STATH: variants seen among roughly 807,000 people sequenced by gnomAD.
STATH encodes the protein statherin.
In STATH, 11 loss-of-function variants were observed where a neutral mutation model predicts 13.3. That is an observed-to-expected ratio of 0.83 (90% confidence interval 0.52 to 1.37). STATH has a LOEUF of 1.37. Ranked by LOEUF, STATH falls within the 40% of genes most tolerant of loss-of-function variation. The probability of loss-of-function intolerance (pLI) is 0.00; values close to 1 mark genes in which losing one functional copy is unlikely to be tolerated. For synonymous variants in STATH, 25 were observed against 23.6 expected (o/e 1.06, Z -0.17); for missense variants, 78 against 73.3 (o/e 1.06, Z -0.24).
At chr4:70,001,010 TA>T in intron 5 of STATH, 28 bp downstream of exon 5, 4 of 1,476,268 alleles carry the variant, frequency 2.7e-6, no homozygotes, top group Non-Finnish European at 3.8e-6. Context: ...ACATTTTTTT[TA>T]CTTTCTGTAT....
chr4:70,000,611 C>T (rs968948769), intron 4 of STATH, among the ~76,000 whole-genome samples: 2 of 151,652 alleles, frequency 1.3e-5, no homozygotes, highest in African/African-American at 2.4e-5. Context: ...AGCCTATAAT[C>T]GGTGTTCCTG....
chr4:69,999,237 A>G (rs1297435302), intron 2 of STATH: 1 of 159,864 alleles, frequency 6.3e-6, no homozygotes, highest in Non-Finnish European at 1.4e-5. Context: ...ATTATTTGTT[A>G]TAAAAGGATA....
rs867264792 is a variant in STATH, at chr4:69,999,666, G to A, written c.52-1G>A. 1 of 1,610,234 alleles carries A rather than the reference G, an allele frequency of 6.2e-7. No individual in the cohort carries two copies. Among genetic ancestry groups the A allele is most frequent in the Admixed American group, 1.7e-5 (1 of 59,736 alleles). ...TATTGTCTAATTTTCTGTTTTCTAA[G>A]GGAGCTGATTCATCTGAAGAGGTGA... On this transcript the variant is annotated splice_acceptor_variant, in intron 2 of 5. Coordinates refer to ENST00000246895, the MANE Select transcript of STATH (RefSeq NM_003154.3). LOFTEE classifies it high-confidence loss of function.
intron 5 of STATH, among the ~76,000 whole-genome samples, chr4:70,001,567 G>T (rs1048850514): frequency 6.6e-6 from 1 of 151,714 alleles, no homozygotes; most frequent in Non-Finnish European, 1.5e-5. Context: ...TTAACATAAT[G>T]CTAACAAGAA....
chr4:70,002,019 C>A (rs550785889), intron 5 of STATH, among the ~76,000 whole-genome samples, 170 bp from the exon 6 acceptor site: 4 of 151,504 alleles, frequency 2.6e-5, no homozygotes, highest in Admixed American at 2.0e-4. Context: ...ATTCAGGAAC[C>A]AATTTAATAA....
intron 1 of STATH, among the ~76,000 whole-genome samples, chr4:69,996,483 T>A (rs1169021680): frequency 1.3e-5 from 2 of 152,162 alleles, no homozygotes; most frequent in Non-Finnish European, 2.9e-5. Context: ...TACCTTTTCA[T>A]TGACCTTTCC....
At chr4:70,001,160 G>C (rs974221115) in intron 5 of STATH, among the ~76,000 whole-genome samples, 178 bp downstream of exon 5, 1 of 151,616 alleles carries the variant, frequency 6.6e-6, no homozygotes, top group Non-Finnish European at 1.5e-5. Context: ...TCTCTGTCCT[G>C]CTATGGTTAG....
At chr4:70,000,641 A>G in intron 4 of STATH, 1 of 465,164 alleles carries the variant, frequency 2.1e-6, no homozygotes, top group East Asian at 3.2e-5. Flanking sequence ...TAAAACCACA[A>G]AACTGTGAAC....
chr4:70,001,444 C>A (rs1724665430), intron 5 of STATH, among the ~76,000 whole-genome samples: 1 of 151,786 alleles, frequency 6.6e-6, no homozygotes. Context: ...AAAGTTTTCA[C>A]TCCCAAAATG....
chr4:70,000,688 T>G lies in STATH; in HGVS notation c.103-175T>G, dbSNP rs765393668. ...AGGTAAACACTCAATCATTTTTACC[T>G]GCTTTTAAAATGTGTTTATAACCAA... On this transcript the variant is annotated intron_variant, in intron 4 of 5. Transcript: ENST00000246895. 155 of 579,202 alleles carry G rather than the reference T, an allele frequency of 2.7e-4. No homozygotes were observed. In the Admixed American group the frequency reaches 3.4e-3, roughly 13 times the overall value. The allele number at this position is 579,202 out of a possible 1,614,324, so 35.9% of individuals were successfully genotyped here.
At chr4:69,999,605 G>A (rs1724596222) in intron 2 of STATH, 62 bp from the exon 3 acceptor site, 2 of 1,542,638 alleles carry the variant, frequency 1.3e-6, no homozygotes, top group African/African-American at 1.4e-5. Context: ...GTTCATTTTT[G>A]TACTCAATCT....
At chr4:69,996,615 CA>C (rs1262397817) in intron 1 of STATH, among the ~76,000 whole-genome samples, 4 of 151,840 alleles carry the variant, frequency 2.6e-5, no homozygotes, top group African/African-American at 9.7e-5. Context: ...TGGCAGAAAA[CA>C]AAGATTTTAC....
At chr4:70,001,776 T>C (rs1724676183) in intron 5 of STATH, among the ~76,000 whole-genome samples, 1 of 151,940 alleles carries the variant, frequency 6.6e-6, no homozygotes, top group African/African-American at 2.4e-5. Context: ...TGGGAGATTA[T>C]ATTCCAATTC....
chr4:70,001,925 A>T (rs868574714), intron 5 of STATH, among the ~76,000 whole-genome samples: 2 of 151,826 alleles, frequency 1.3e-5, no homozygotes, highest in Admixed American at 6.6e-5. Flanking sequence ...TGAAATGTGT[A>T]GGCTATATTT....
intron 1 of STATH, among the ~76,000 whole-genome samples, chr4:69,996,878 A>T (rs904495452): frequency 4.0e-5 from 6 of 150,332 alleles, no homozygotes; most frequent in Non-Finnish European, 7.4e-5. Context: ...TGATAGAAAA[A>T]CCCCAAAGTA....
intron 5 of STATH, among the ~76,000 whole-genome samples, 151 bp from the exon 6 acceptor site, chr4:70,002,038 T>C (rs1236724304): frequency 6.6e-6 from 1 of 151,830 alleles, no homozygotes; most frequent in Non-Finnish European, 1.5e-5. Context: ...AATTGTTTAA[T>C]TGTCTACTCT....
chr4:69,997,451 A>T (rs186154787), intron 1 of STATH, among the ~76,000 whole-genome samples: 176 of 152,292 alleles, frequency 1.2e-3, no homozygotes, highest in Non-Finnish European at 1.2e-4. Context: ...CATTACCTTT[A>T]TATGAATTAC....
At position 70,002,533 on chromosome 4, in the gene STATH, GC is replaced by G. The variant is rs1724695704; in HGVS notation, c.*379del. On this transcript the variant is annotated 3_prime_UTR_variant, in exon 6 of 6. Transcript: ENST00000246895. ...ATCATCTTCTTTCCCAGTTTGACTA[GC>G]ACAGATTGAAGCCCATAATGTCAGA... 1 of 151,596 alleles carries G rather than the reference GC, an allele frequency of 6.6e-6. No individual in the cohort carries two copies. Among genetic ancestry groups the G allele is most frequent in the Non-Finnish European group, 1.5e-5 (1 of 67,738 alleles). The allele number at this position is 151,596 out of a possible 1,614,324, so 9.4% of individuals were successfully genotyped here. A position where few individuals can be genotyped will look rare whatever the true frequency, so the allele number is the denominator to read the frequency against.
chr4:69,997,805 A>G (rs1019947433), intron 1 of STATH, among the ~76,000 whole-genome samples: 4 of 152,018 alleles, frequency 2.6e-5, no homozygotes, highest in Non-Finnish European at 5.9e-5. Context: ...TCTGAAGGTG[A>G]CCCCATTTTT....
Sources: gnomAD v4.1 joint callset for allele counts (sites outside exome capture counted in the v4.1 genomes callset) on GRCh38, gnomAD v4.1.1 for gene constraint, MANE v1.5 for transcripts, NCBI Gene and HGNC (gene_info 2026-07-23, HGNC 2026-07-21) for gene names.